The following TTN variants were observed in gnomAD, a reference collection of about 807,000 sequenced individuals.
The protein encoded by TTN is titin, also known as connectin.
A neutral mutation model predicts 3,223.0 loss-of-function variants in TTN; 1,525 were observed. That is an observed-to-expected ratio of 0.47 (90% CI 0.45 to 0.49). The LOEUF (loss-of-function observed/expected upper bound fraction) is 0.49, where lower values mean the gene tolerates loss of function less well. Among genes scored for constraint, TTN ranks in the 20% least tolerant of loss-of-function variants. TTN has a pLI of 0.00. For missense variants in TTN, 40,786 were observed against 43,424.0 expected (o/e 0.94, Z 5.40); for synonymous variants, 14,094 against 15,161.0 (o/e 0.93, Z 5.17).
In TTN at chr2:178,692,706, A is replaced by C. The variant is rs555317343; in HGVS notation, c.31595-126T>G. On this transcript the variant is annotated intron_variant, in intron 119 of 362. Transcript: ENST00000589042. ...TGAATGCAAGAAAATTATGCTTTAGAAATGAGAGTAAATGAAGATGGCTGA... is the reference window on the plus strand; with the variant it reads ...TGAATGCAAGAAAATTATGCTTTAGCAATGAGAGTAAATGAAGATGGCTGA... 2.8e-5 allele frequency: 18 copies of C among 652,990 alleles called. No individual in the cohort carries two copies. The African/African-American group carries it at 2.8e-4, about 10-fold the overall frequency. 40.4% of individuals were successfully genotyped at this position (652,990 alleles called of 1,614,324 possible).
intron 44 of TTN, among the ~76,000 whole-genome samples, chr2:178,758,319 G>T (rs2087932054): frequency 6.6e-6 from 1 of 152,098 alleles, no homozygotes; most frequent in African/African-American, 2.4e-5. Flanking sequence ...AAATCCTTAT[G>T]TATTTGTATG....
intron 331 of TTN, 37 bp from the exon 332 acceptor site, chr2:178,554,789 C>T (rs1322287320): frequency 3.1e-6 from 5 of 1,612,206 alleles, no homozygotes; most frequent in Non-Finnish European, 4.2e-6. Flanking sequence ...GTTAGTACTT[C>T]TTTAAAGCCT....
rs201302681 is a variant in TTN, at chr2:178,611,587, C to G, written c.50642G>C (p.Gly16881Ala). Residue 16881 changes from glycine (G) to alanine (A), a missense_variant, in exon 269 of 363, where the codon GGA (glycine) becomes GCA (alanine). Gly to Ala is a moderately conservative substitution (Grantham distance 60). Transcript: ENST00000589042. The stretch of plus-strand genomic sequence containing the variant: ...AACATGGTATCCTATGATAGGACTT[C>G]CACCATTTTTCTCTGGAGGCTTCCA... Reference protein sequence around the residue: ...IAWKPPEKNGGSPIIGYHVEM... With the variant: ...IAWKPPEKNGASPIIGYHVEM... The G allele has an allele frequency of 3.3e-5, 53 of 1,613,032 alleles. No individual in the cohort carries two copies. In the East Asian group the frequency reaches 1.2e-3, roughly 35 times the overall value.
At position 178,618,040 on chromosome 2, in the gene TTN, T is replaced by C. The variant is rs748512074; in HGVS notation, c.47311A>G (p.Asn15771Asp). ...PPLNVTITDVNRFGVSLTWEP... is the reference protein window; with the variant it reads ...PPLNVTITDVDRFGVSLTWEP... ...CATGTCAGTGAGACACCAAATCGAT[T>C]CACATCAGTGATGGTTACATTCAAA... The change falls in exon 253 of 363, where the codon AAT (asparagine) becomes GAT (aspartate). Residue 15771 changes from asparagine to aspartate, a missense_variant. Physicochemically the swap from Asn to Asp is conservative, Grantham distance 23. Coordinates refer to ENST00000589042, the MANE Select transcript of TTN (RefSeq NM_001267550.2). 3 of 1,612,390 alleles carry C rather than the reference T, an allele frequency of 1.9e-6. No individual in the cohort carries two copies. Among genetic ancestry groups the C allele is most frequent in the Admixed American group, 3.3e-5 (2 of 59,850 alleles).
chr2:178,775,570 C>T lies in TTN; in HGVS notation c.6294G>A (p.Arg2098=), dbSNP rs752539323. 1 of 1,614,032 alleles carries T rather than the reference C, an allele frequency of 6.2e-7. No individual in the cohort carries two copies. Among genetic ancestry groups the T allele is most frequent in the South Asian group, 1.1e-5 (1 of 91,076 alleles). The change falls in exon 28 of 363, where the codon CGG becomes CGA. Residue 2098 remains arginine (R), a synonymous_variant. Coordinates refer to ENST00000589042, the MANE Select transcript of TTN (RefSeq NM_001267550.2). ...TVGQGSDAHF[R]VRVVGKPDPE... is the part of the protein sequence containing the mutation. ...GGTCTGGTTTCCCCACGACTCTGAC[C>T]CGGAAGTGTGCATCAGATCCTTGGC...
At chr2:178,664,181 C>T in intron 168 of TTN, 83 bp from the exon 169 acceptor site, 1 of 1,343,912 alleles carries the variant, frequency 7.4e-7, no homozygotes, top group Non-Finnish European at 1.0e-6. Flanking sequence ...AACAAAAGAG[C>T]TATTTTTTTC....
chr2:178,711,966 T>C lies in TTN; in HGVS notation c.27864A>G (p.Ala9288=), dbSNP rs781526367. 7 of 1,603,212 alleles carry C rather than the reference T, an allele frequency of 4.4e-6. No homozygotes were observed. The East Asian group carries it at 8.9e-5, about 20-fold the overall frequency. Reference sequence around the variant, plus strand: ...CACCTTGAACGGTAAGGAAAGTTGATGCAGAAACTTCTCCCACGCTGTTTT... The same window carrying C: ...CACCTTGAACGGTAAGGAAAGTTGACGCAGAAACTTCTCCCACGCTGTTTT... ...KAENSVGEVS[A]STFLTVQEQK... Residue 9288 remains alanine (A), a synonymous_variant, in exon 96 of 363, where the codon GCA becomes GCG. Transcript: ENST00000589042.
chr2:178,589,899 C>T lies in TTN; in HGVS notation c.61826G>A (p.Arg20609His), dbSNP rs372546292. 21 of 1,613,178 alleles carry T rather than the reference C, an allele frequency of 1.3e-5. No individual in the cohort carries two copies. Among genetic ancestry groups the T allele is most frequent in the Admixed American group, 6.7e-5 (4 of 59,946 alleles). ...SEITNFIVEY[R>H]KPNQKGWSIV... Reference sequence around the variant, plus strand: ...TGACCAGCCTTTCTGGTTTGGTTTGCGATATTCTACTATGAAGTTTGTTAT... The same window carrying T: ...TGACCAGCCTTTCTGGTTTGGTTTGTGATATTCTACTATGAAGTTTGTTAT... Residue 20609 changes from arginine to histidine, a missense_variant, in exon 304 of 363, where the codon CGC becomes CAC. Transcript: ENST00000589042.
Position 178,684,924 on chromosome 2 carries a change from T to G in TTN, c.32536A>C (p.Lys10846Gln). 6.2e-7 allele frequency: 1 copy of G among 1,608,672 alleles called. No individual in the cohort carries two copies. Among genetic ancestry groups the G allele is most frequent in the Non-Finnish European group, 8.5e-7 (1 of 1,177,174 alleles). Residue 10846 changes from lysine (K) to glutamine (Q), a missense_variant, in exon 130 of 363, where the codon AAG (lysine) becomes CAG (glutamine). Physicochemically the swap from Lys to Gln is moderately conservative, Grantham distance 53 (BLOSUM62 1). Transcript: ENST00000589042. Reference sequence around the variant, plus strand: ...AATATACCTTTAGGTGGGGGCACCTTTTCCTTTTTAGGAACTGGAGCAGGA... The same window carrying G: ...AATATACCTTTAGGTGGGGGCACCTGTTCCTTTTTAGGAACTGGAGCAGGA... ...KVPAPVPKKE[K>Q]VPPPKVPEEP...
At position 178,532,584 on chromosome 2, in the gene TTN, C is replaced by T; in HGVS notation, c.104031G>A (p.Glu34677=). 6.2e-7 allele frequency: 1 copy of T among 1,613,930 alleles called. No homozygotes were observed. Among genetic ancestry groups the T allele is most frequent in the Non-Finnish European group, 8.5e-7 (1 of 1,179,846 alleles). The change falls in exon 358 of 363, where the codon GAG becomes GAA. Residue 34677 remains glutamate (E), a synonymous_variant. Transcript: ENST00000589042. ...IDDYLAMKRT[E]EERLRLEEEL... Reference sequence around the variant, plus strand: ...CTTCTTCAAGACGCAGCCTCTCTTCCTCTGTTCTTTTCATTGCTAAGTAGT... The same window carrying T: ...CTTCTTCAAGACGCAGCCTCTCTTCTTCTGTTCTTTTCATTGCTAAGTAGT...
Position 178,561,641 on chromosome 2 carries a change from A to C in TTN, c.84491T>G (p.Val28164Gly), listed in dbSNP as rs1703698768. Residue 28164 changes from valine (V) to glycine (G), a missense_variant, in exon 326 of 363, where the codon GTG (valine) becomes GGG (glycine). By Grantham distance (109) the Val-to-Gly change is moderately radical. Coordinates refer to ENST00000589042, the MANE Select transcript of TTN (RefSeq NM_001267550.2). ...PPGPPGTPKV[V>G]HATKSTMLVT... ...AAGCATGGTAGATTTTGTGGCATGCACAACTTTAGGAGTACCAGGAGGACC... is the reference window on the plus strand; with the variant it reads ...AAGCATGGTAGATTTTGTGGCATGCCCAACTTTAGGAGTACCAGGAGGACC... The C allele has an allele frequency of 1.2e-6, 2 of 1,611,054 alleles. No homozygotes were observed. The highest frequency in any genetic ancestry group is 2.2e-5 in the South Asian group (2 of 90,606).
At chr2:178,609,036 G>A in intron 273 of TTN, 128 bp from the exon 274 acceptor site, 1 of 1,312,542 alleles carries the variant, frequency 7.6e-7, no homozygotes, top group Non-Finnish European at 1.0e-6. Flanking sequence ...TATTCCATTA[G>A]CTAATAAATA....
intron 156 of TTN, among the ~76,000 whole-genome samples, chr2:178,670,573 G>C (rs2066802533): frequency 6.6e-6 from 1 of 151,930 alleles, no homozygotes; most frequent in African/African-American, 2.4e-5. Flanking sequence ...TTTTGTGGAA[G>C]AGTTGCTACC....
Position 178,732,079 on chromosome 2 carries a change from A to G in TTN, c.16890T>C (p.Ile5630=). The G allele has an allele frequency of 6.2e-7, 1 of 1,605,796 alleles. No individual in the cohort carries two copies. Among genetic ancestry groups the G allele is most frequent in the South Asian group, 1.1e-5 (1 of 90,122 alleles). The change falls in exon 57 of 363, where the codon ATT becomes ATC. Residue 5630 remains isoleucine, a synonymous_variant. Coordinates refer to ENST00000589042, the MANE Select transcript of TTN (RefSeq NM_001267550.2). The part of the protein sequence containing the change: ...NEAGSDHCSS[I]VIVKESPYFT... Reference sequence around the variant, plus strand: ...GTGAACACAAACCTTTGACTATTACAATGCTACTGCAGTGGTCACTGCCAG... The same window carrying G: ...GTGAACACAAACCTTTGACTATTACGATGCTACTGCAGTGGTCACTGCCAG...
rs71023450 is a variant in TTN, at chr2:178,646,104, TTATATATATATATATATATA to T, written c.40298-94_40298-75del. 1,483 of 38,006 alleles carry T rather than the reference TTATATATATATATATATATA, an allele frequency of 0.039. 186 individuals are homozygous for T. The East Asian group carries it at 0.44, about 11-fold the overall frequency. 2.4% of individuals were successfully genotyped at this position (38,006 alleles called of 1,614,324 possible). ...GGATATGTAGTATATTTAATAGAAA[TTATATATATATATATATATA>T]TATATATATATATATATATATATGA... On this transcript the variant is annotated intron_variant, in intron 216 of 362. Transcript: ENST00000589042.
chr2:178,726,737 T>C lies in TTN; in HGVS notation c.20275+353A>G, dbSNP rs182027153. On this transcript the variant is annotated intron_variant, in intron 69 of 362. Coordinates refer to ENST00000589042, the MANE Select transcript of TTN (RefSeq NM_001267550.2). ...GTAAAAGTGCTTGTTATTAATGATA[T>C]AGATTATAGTGAGAATGATATATCT... 347 of 174,072 alleles carry C rather than the reference T, an allele frequency of 2.0e-3. 3 individuals carry two copies. Among genetic ancestry groups the C allele is most frequent in the African/African-American group, 7.4e-3 (315 of 42,510 alleles). 10.8% of individuals were successfully genotyped at this position (174,072 alleles called of 1,614,324 possible).
chr2:178,584,960 CG>C lies in TTN; in HGVS notation c.64680del (p.Gly21561AlafsTer12). On this transcript the variant is annotated frameshift_variant, in exon 310 of 363. Coordinates refer to ENST00000589042, the MANE Select transcript of TTN (RefSeq NM_001267550.2). LOFTEE classifies it high-confidence loss of function. ...QKIKVVVMDA[P>X]GPPQPPFDIS... Reference sequence around the variant, plus strand: ...ATGTCAAATGGAGGCTGAGGGGGGCCGGGGGCATCTACATGAACCAAGAGGA... The same window carrying C: ...ATGTCAAATGGAGGCTGAGGGGGGCCGGGGCATCTACATGAACCAAGAGGA... 6.2e-7 allele frequency: 1 copy of C among 1,612,840 alleles called. No homozygotes were observed.
chr2:178,543,633 C>G lies in TTN; in HGVS notation c.96340G>C (p.Val32114Leu). Reference sequence around the variant, plus strand: ...ACAGAATCTCTTGATACTTCCTTAACTTTCACTGAAGGACAGGGACCAGGA... The same window carrying G: ...ACAGAATCTCTTGATACTTCCTTAAGTTTCACTGAAGGACAGGGACCAGGA... Reference protein sequence around the residue: ...DTPGPCPSVKVKEVSRDSVTI... With the variant: ...DTPGPCPSVKLKEVSRDSVTI... Residue 32114 changes from valine to leucine, a missense_variant, in exon 347 of 363, where the codon GTT (valine) becomes CTT (leucine). By Grantham distance (32) the Val-to-Leu change is conservative. Transcript: ENST00000589042. 2 of 1,599,486 alleles carry G rather than the reference C, an allele frequency of 1.3e-6. No homozygotes were observed. Among genetic ancestry groups the G allele is most frequent in the East Asian group, 2.2e-5 (1 of 44,690 alleles).
Position 178,565,759 on chromosome 2 carries a change from A to G in TTN, c.80373T>C (p.Asp26791=). ...PSPPGKVTLT[D]VSQTSASLMW... ...TAAGTGATGCACTGGTCTGGGACAC[A>G]TCAGTGAGTGTAACCTTTCCTGGTG... is the stretch of plus-strand genomic sequence containing the variant. Residue 26791 remains aspartate (D), a synonymous_variant, in exon 326 of 363, where the codon GAT becomes GAC. Transcript: ENST00000589042. 2 of 1,613,612 alleles carry G rather than the reference A, an allele frequency of 1.2e-6. No individual in the cohort carries two copies. Among genetic ancestry groups the G allele is most frequent in the Non-Finnish European group, 1.7e-6 (2 of 1,179,632 alleles).
Sources: allele counts gnomAD v4.1 joint callset (sites outside exome capture counted in the v4.1 genomes callset), GRCh38; gene constraint gnomAD v4.1.1; transcripts MANE v1.5; gene names NCBI Gene and HGNC (gene_info 2026-07-23, HGNC 2026-07-21).